EDARADD: variants seen among roughly 807,000 people sequenced by gnomAD.
The protein encoded by EDARADD is ectodysplasin-A receptor-associated adapter protein.
EDARADD carries 20 observed loss-of-function variants against 25.6 expected under a neutral mutation model. That is an observed-to-expected ratio of 0.78 (90% CI 0.55 to 1.14). EDARADD has a LOEUF of 1.14. Among genes scored for constraint, EDARADD ranks in the 50% most tolerant of loss-of-function variants. The probability of loss-of-function intolerance (pLI) is 0.00; values close to 1 mark genes in which losing one functional copy is unlikely to be tolerated. For synonymous variants in EDARADD, 86 were observed against 94.4 expected (o/e 0.91, Z 0.52); for missense variants, 225 against 270.1 (o/e 0.83, Z 1.17).
chr1:236,484,622 C>G lies in EDARADD; in HGVS notation c.*1973C>G, dbSNP rs766608566. On this transcript the variant is annotated 3_prime_UTR_variant, in exon 6 of 6. Transcript: ENST00000334232. This position sits in a 1 kb window ranked among gnomAD's most constrained non-coding sequence, Gnocchi z 4.1. ...ACCGCCGTGGAGTTCGCACCTCTTCCTTAGAACTTCTACAGAAGCAGGTTG... is the reference window on the plus strand; with the variant it reads ...ACCGCCGTGGAGTTCGCACCTCTTCGTTAGAACTTCTACAGAAGCAGGTTG... 13 of 555,196 alleles carry G rather than the reference C, an allele frequency of 2.3e-5. No homozygotes were observed. The highest frequency in any genetic ancestry group is 4.2e-5 in the Non-Finnish European group (13 of 309,492). The allele number at this position is 555,196 out of a possible 1,614,324, so 34.4% of individuals were successfully genotyped here.
Position 236,482,922 on chromosome 1 carries a change from G to T in EDARADD, c.*273G>T. ...TCTAAGGGCCAAAGTCCTACAATCGGAATGGATTCATGCCACGTTGAAGAT... is the reference window on the plus strand; with the variant it reads ...TCTAAGGGCCAAAGTCCTACAATCGTAATGGATTCATGCCACGTTGAAGAT... On this transcript the variant is annotated 3_prime_UTR_variant, in exon 6 of 6. Coordinates refer to ENST00000334232, the MANE Select transcript of EDARADD (RefSeq NM_145861.4). 1.6e-6 allele frequency: 1 copy of T among 606,952 alleles called. No homozygotes were observed. The highest frequency in any genetic ancestry group is 2.9e-6 in the Non-Finnish European group (1 of 346,848). The allele number at this position is 606,952 out of a possible 1,614,324, so 37.6% of individuals were successfully genotyped here.
chr1:236,359,137 CT>C (rs1240927422), intron 3 of EDARADD, among the ~76,000 whole-genome samples: 1 of 152,110 alleles, frequency 6.6e-6, no homozygotes, highest in Non-Finnish European at 1.5e-5. Flanking sequence ...TTTTTGGAAC[CT>C]TTTTGTCCTA....
chr1:236,381,577 T>G (rs1431091283), intron 3 of EDARADD, among the ~76,000 whole-genome samples: 3 of 151,934 alleles, frequency 2.0e-5, no homozygotes, highest in African/African-American at 7.2e-5. Context: ...TATCTCTACA[T>G]ATATCATAAG....
At chr1:236,355,624 C>T (rs1299245003) in intron 3 of EDARADD, among the ~76,000 whole-genome samples, 1 of 147,074 alleles carries the variant, frequency 6.8e-6, no homozygotes, top group Non-Finnish European at 1.5e-5. Context: ...ATTCTTGTGA[C>T]TCAGCCTCCC....
Position 236,395,427 on chromosome 1 carries a change from C to T in EDARADD, c.61+922C>T, listed in dbSNP as rs763988349. 42 of 1,457,752 alleles carry T rather than the reference C, an allele frequency of 2.9e-5. No individual in the cohort carries two copies. Among genetic ancestry groups the T allele is most frequent in the Non-Finnish European group, 3.6e-5 (40 of 1,106,150 alleles). The allele number at this position is 1,457,752 out of a possible 1,614,324, so 90.3% of individuals were successfully genotyped here. On this transcript the variant is annotated intron_variant, in intron 1 of 5. Transcript: ENST00000334232. This position sits in a 1 kb window ranked among gnomAD's most constrained non-coding sequence, Gnocchi z 6.9. Reference sequence around the variant, plus strand: ...GAAGGGGCTTTGCTAATTGCCAAAGCAGGAAGTGAGCTCGTGGAAGAAGCG... The same window carrying T: ...GAAGGGGCTTTGCTAATTGCCAAAGTAGGAAGTGAGCTCGTGGAAGAAGCG...
chr1:236,445,467 A>G (rs113168578), intron 4 of EDARADD, among the ~76,000 whole-genome samples: 1,888 of 152,154 alleles, frequency 0.012, 15 homozygotes, highest in Non-Finnish European at 0.021. Context: ...ACCTTAGGTG[A>G]TCTGCCTGTC....
chr1:236,478,468 G>A (rs573732590), intron 5 of EDARADD, among the ~76,000 whole-genome samples: 14 of 149,676 alleles, frequency 9.4e-5, no homozygotes, highest in South Asian at 2.1e-4. Context: ...GTGTGTGTGT[G>A]TATATATATA....
intron 4 of EDARADD, among the ~76,000 whole-genome samples, chr1:236,462,021 A>AG (rs1659051032): frequency 6.6e-6 from 1 of 152,190 alleles, no homozygotes; most frequent in Non-Finnish European, 1.5e-5. Context: ...AGTCTACAAA[A>AG]TAGACAGGGT....
intron 2 of EDARADD, 128 bp downstream of exon 2, chr1:236,409,402 A>T: frequency 1.4e-6 from 1 of 709,328 alleles, no homozygotes; most frequent in Non-Finnish European, 2.4e-6. Flanking sequence ...TTTTTCTAAG[A>T]TAACTGCTTT....
intron 4 of EDARADD, among the ~76,000 whole-genome samples, chr1:236,444,648 T>C (rs1658483576): frequency 6.6e-6 from 1 of 152,212 alleles, no homozygotes; most frequent in African/African-American, 2.4e-5. Context: ...GGTCTTGAAC[T>C]CCTGACCTCA....
At chr1:236,390,716 C>T (rs1667411986), upstream of EDARADD, among the ~76,000 whole-genome samples, 1 of 152,176 alleles carries the variant, frequency 6.6e-6, no homozygotes, top group Non-Finnish European at 1.5e-5. Flanking sequence ...CCTGCATTCT[C>T]TCCTAGCTCT....
At chr1:236,450,652 G>A (rs936941952) in intron 4 of EDARADD, among the ~76,000 whole-genome samples, 9 of 148,182 alleles carry the variant, frequency 6.1e-5, no homozygotes, top group African/African-American at 2.0e-4. Flanking sequence ...AGGTTCAAGC[G>A]ATTCTCCTGC....
intron 4 of EDARADD, among the ~76,000 whole-genome samples, chr1:236,444,327 T>C (rs1658476762): frequency 6.6e-6 from 1 of 152,148 alleles, no homozygotes; most frequent in South Asian, 2.1e-4. Flanking sequence ...CTATGCAGGA[T>C]GTACCATTAT....
At chr1:236,408,401 C>G (rs1438932355) in intron 1 of EDARADD, among the ~76,000 whole-genome samples, 1 of 152,032 alleles carries the variant, frequency 6.6e-6, no homozygotes, top group African/African-American at 2.4e-5. Context: ...TGGGGTTTCC[C>G]TATGTTGGAC....
intron 4 of EDARADD, among the ~76,000 whole-genome samples, chr1:236,462,517 C>T (rs956991129): frequency 2.0e-5 from 3 of 152,070 alleles, no homozygotes; most frequent in South Asian, 2.1e-4. Context: ...TCCATTCCCC[C>T]GTGGGCTGCA....
chr1:236,463,401 C>G (rs1422228921), intron 4 of EDARADD, among the ~76,000 whole-genome samples: 1 of 152,208 alleles, frequency 6.6e-6, no homozygotes, highest in Non-Finnish European at 1.5e-5. Flanking sequence ...CCAAGTGATT[C>G]TCCTGCCTCA....
At chr1:236,356,354 TAAGAAC>T (rs1240557475) in intron 3 of EDARADD, among the ~76,000 whole-genome samples, 1 of 152,162 alleles carries the variant, frequency 6.6e-6, no homozygotes, top group Non-Finnish European at 1.5e-5. Flanking sequence ...GATGCACTGA[TAAGAAC>T]AAGACAGCCC....
chr1:236,407,669 C>T (rs1294991161), intron 1 of EDARADD, among the ~76,000 whole-genome samples: 1 of 150,340 alleles, frequency 6.7e-6, no homozygotes, highest in East Asian at 1.9e-4. Flanking sequence ...CCCACGACTG[C>T]CACTTAGGGT....
At chr1:236,383,382 G>A (rs2166255) in intron 3 of EDARADD, among the ~76,000 whole-genome samples, 119,662 of 147,270 alleles carry the variant, frequency 0.81, 49,406 homozygotes, top group Middle Eastern at 0.92. Flanking sequence ...GCAAGACTCC[G>A]TCTCAAAAAA....
Sources: gnomAD v4.1 joint callset for allele counts (sites outside exome capture counted in the v4.1 genomes callset) on GRCh38, gnomAD v4.1.1 for gene constraint, Gnocchi (gnomAD v3.1) non-coding constraint, MANE v1.5 for transcripts, NCBI Gene and HGNC (gene_info 2026-07-23, HGNC 2026-07-21) for gene names.